The following EFR3A variants were observed in gnomAD, a reference collection of about 807,000 sequenced individuals.
EFR3A encodes the protein EFR3 homolog A, also known as protein EFR3 homolog A.
A neutral mutation model predicts 104.4 loss-of-function variants in EFR3A; 76 were observed. The observed-to-expected ratio is 0.73, with a 90% CI of 0.60 to 0.88. The LOEUF is 0.88. Among genes scored for constraint, EFR3A ranks in the 40% least tolerant of loss-of-function variants. The probability of loss-of-function intolerance (pLI) is 0.00; values close to 1 mark genes in which losing one functional copy is unlikely to be tolerated. For missense variants in EFR3A, 985 were observed against 1,012.5 expected (o/e 0.97, Z 0.37); for synonymous variants, 330 against 330.0 (o/e 1.00, Z 0.00).
intron 14 of EFR3A, among the ~76,000 whole-genome samples, chr8:131,983,442 G>A: frequency 6.6e-6 from 1 of 151,992 alleles, no homozygotes; most frequent in East Asian, 1.9e-4. Context: ...ATTGTGACTG[G>A]ATGTGGCATT....
chr8:131,950,278 G>A (rs1004038474), intron 5 of EFR3A, among the ~76,000 whole-genome samples, 188 bp downstream of exon 5: 6 of 152,152 alleles, frequency 3.9e-5, no homozygotes, highest in South Asian at 4.1e-4. Flanking sequence ...ACTAAAATGC[G>A]GTCTTTACTG....
intron 1 of EFR3A, among the ~76,000 whole-genome samples, chr8:131,917,823 G>A (rs910412966): frequency 1.3e-5 from 2 of 152,052 alleles, no homozygotes; most frequent in African/African-American, 4.8e-5. Flanking sequence ...TTGAACTTGA[G>A]GTAATTTTGT....
chr8:131,979,226 A>G, intron 13 of EFR3A, 120 bp from the exon 14 acceptor site: 1 of 955,194 alleles, frequency 1.0e-6, no homozygotes, highest in Non-Finnish European at 1.5e-6. Flanking sequence ...GAAGCAATTC[A>G]GTAGTATCAT....
At chr8:131,909,988 T>A (rs772645648) in intron 1 of EFR3A, among the ~76,000 whole-genome samples, 6 of 152,146 alleles carry the variant, frequency 3.9e-5, no homozygotes, top group Non-Finnish European at 8.8e-5. Flanking sequence ...AGTGCAGAGG[T>A]CCAAGTAGCT....
intron 10 of EFR3A, among the ~76,000 whole-genome samples, chr8:131,973,580 CT>C (rs771161297): frequency 6.1e-4 from 93 of 152,152 alleles, no homozygotes; most frequent in Non-Finnish European, 8.2e-4. Flanking sequence ...TAAAATCAAA[CT>C]TTTAAAAAAA....
chr8:131,922,041 T>C (rs1817058797), intron 1 of EFR3A, among the ~76,000 whole-genome samples: 1 of 152,206 alleles, frequency 6.6e-6, no homozygotes, highest in African/African-American at 2.4e-5. Context: ...ATCATGCTTC[T>C]GAAGGCTCTA....
Position 132,013,293 on chromosome 8 carries a change from T to C in EFR3A, c.*2398T>C, listed in dbSNP as rs1471863833. ...TACTTGTGTTGTCTGTGACCGCTTA[T>C]AGAGTTTTATTGTTATTGGTGTTTA... On this transcript the variant is annotated 3_prime_UTR_variant, in exon 23 of 23. Transcript: ENST00000254624. 1 of 152,622 alleles carries C rather than the reference T, an allele frequency of 6.6e-6. No homozygotes were observed. The highest frequency in any genetic ancestry group is 2.4e-5 in the African/African-American group (1 of 41,448). The allele number at this position is 152,622 out of a possible 1,614,324, so 9.5% of individuals were successfully genotyped here.
intron 22 of EFR3A, among the ~76,000 whole-genome samples, chr8:132,005,754 C>G (rs1375217420): frequency 6.6e-6 from 1 of 152,054 alleles, no homozygotes; most frequent in Non-Finnish European, 1.5e-5. Context: ...AGATTTGAAC[C>G]ATTTCAGTCA....
chr8:131,933,965 C>A (rs1469594305), intron 1 of EFR3A, among the ~76,000 whole-genome samples: 2 of 151,948 alleles, frequency 1.3e-5, no homozygotes, highest in Non-Finnish European at 2.9e-5. Flanking sequence ...TTGTTGTCCT[C>A]TTTTCCATAA....
intron 19 of EFR3A, among the ~76,000 whole-genome samples, chr8:131,999,022 G>A (rs1821647501): frequency 6.6e-6 from 1 of 151,944 alleles, no homozygotes; most frequent in Non-Finnish European, 1.5e-5. Flanking sequence ...AGCACTATAG[G>A]CATGATTTTT....
intron 1 of EFR3A, among the ~76,000 whole-genome samples, chr8:131,916,575 G>A (rs981730296): frequency 6.6e-6 from 1 of 152,204 alleles, no homozygotes; most frequent in Non-Finnish European, 1.5e-5. Flanking sequence ...TGAAGGATAG[G>A]TTGTATAGAG....
intron 5 of EFR3A, 89 bp from the exon 6 acceptor site, chr8:131,953,729 C>G: frequency 1.7e-6 from 2 of 1,157,662 alleles, no homozygotes; most frequent in South Asian, 3.8e-5. Context: ...ACAGTATTTA[C>G]TTGATATCCA....
At chr8:131,920,065 G>T (rs899484290) in intron 1 of EFR3A, among the ~76,000 whole-genome samples, 1 of 152,046 alleles carries the variant, frequency 6.6e-6, no homozygotes, top group African/African-American at 2.4e-5. Flanking sequence ...CTTCAAAACT[G>T]GATTTTGCTT....
chr8:131,991,425 T>C (rs900891122), intron 18 of EFR3A, among the ~76,000 whole-genome samples: 2 of 152,056 alleles, frequency 1.3e-5, no homozygotes, highest in African/African-American at 4.8e-5. Flanking sequence ...TTTGAATCTG[T>C]GGTGGTAGAA....
chr8:132,010,433 T>G (rs1822281507), intron 22 of EFR3A, among the ~76,000 whole-genome samples: 1 of 120,648 alleles, frequency 8.3e-6, no homozygotes, highest in African/African-American at 3.2e-5. Context: ...TATATATATA[T>G]ATATATATAT....
chr8:131,905,764 C>G lies in EFR3A; in HGVS notation c.10+1442C>G, dbSNP rs571196600. On this transcript the variant is annotated intron_variant, in intron 1 of 22. Transcript: ENST00000254624. ...TATCTGAGACTAGCACTATGCTAAT[C>G]TTTTATTTTCTGAGAAACCAAAGGG... 3.3e-5 allele frequency among the ~76,000 whole-genome samples: 5 copies of G among 152,326 alleles called. No homozygotes were observed. In the South Asian group the frequency reaches 1.0e-3, roughly 32 times the overall value.
intron 19 of EFR3A, among the ~76,000 whole-genome samples, chr8:132,000,461 C>T (rs956208420): frequency 6.6e-6 from 1 of 152,132 alleles, no homozygotes; most frequent in African/African-American, 2.4e-5. Context: ...GAAGCTGCAT[C>T]ATAATTATCT....
rs1817019331 is a variant in EFR3A, at chr8:131,921,414, AC to A, written c.10+17098del. Among the ~76,000 whole-genome samples the A allele has an allele frequency of 2.6e-5, 4 of 151,804 alleles. 1 individual carries two copies. In the South Asian group the frequency reaches 6.2e-4, roughly 24 times the overall value. The stretch of plus-strand genomic sequence containing the variant: ...TCCTAACTTGATTACTACTGCAAAG[AC>A]CCCCCTCTCTCTAGATATGGTCACT... On this transcript the variant is annotated intron_variant, in intron 1 of 22. Transcript: ENST00000254624.
At chr8:131,970,280 TTTGTTGTTA>T (rs1348880064) in intron 9 of EFR3A, among the ~76,000 whole-genome samples, 187 bp from the exon 10 acceptor site, 54 of 152,308 alleles carry the variant, frequency 3.5e-4, no homozygotes, top group African/African-American at 1.3e-3. Context: ...CCAGTAAATG[TTTGTTGTTA>T]TAATGAGTGT....
Sources: allele counts gnomAD v4.1 joint callset (sites outside exome capture counted in the v4.1 genomes callset), GRCh38; gene constraint gnomAD v4.1.1; transcripts MANE v1.5; gene names NCBI Gene and HGNC (gene_info 2026-07-23, HGNC 2026-07-21).